The following HECW2 variants were observed in gnomAD, a reference collection of about 807,000 sequenced individuals.
The protein encoded by HECW2 is HECT, C2 and WW domain containing E3 ubiquitin protein ligase 2.
In HECW2, 61 loss-of-function variants were observed where a neutral mutation model predicts 175.2. The observed-to-expected ratio is 0.35, with a 90% CI of 0.28 to 0.43. The LOEUF is 0.43. Among genes scored for constraint, HECW2 ranks in the 20% least tolerant of loss-of-function variants. HECW2 has a pLI of 1.00. For synonymous variants in HECW2, 671 were observed against 731.0 expected, an observed-to-expected ratio of 0.92 and a Z score of 1.32; for missense variants, 1,524 against 2,000.5, an observed-to-expected ratio of 0.76 and a Z score of 4.54.
chr2:196,523,631 T>C (rs1688508443), intron 1 of HECW2, among the ~76,000 whole-genome samples: 1 of 151,602 alleles, frequency 6.6e-6, no homozygotes, highest in Non-Finnish European at 1.5e-5. Context: ...ATAGCTCTTA[T>C]TATTTTGAAA....
Position 196,289,832 on chromosome 2 carries a change from CCAAA to C in HECW2, c.3000+2729_3000+2732del, listed in dbSNP as rs763054704. On this transcript the variant is annotated intron_variant, in intron 14 of 28. Coordinates refer to ENST00000644978, the MANE Select transcript of HECW2 (RefSeq NM_001348768.2). ...TAACATGCAGCCCAAAGCAGAGTAGCCAAACAGAGACCGAGCACCAGCCTCCCTG... is the reference window on the plus strand; with the variant it reads ...TAACATGCAGCCCAAAGCAGAGTAGCCAGAGACCGAGCACCAGCCTCCCTG... The C allele has an allele frequency of 7.2e-5, 11 of 152,232 alleles. 1 individual carries two copies. In the East Asian group the frequency reaches 1.3e-3, roughly 19 times the overall value. The allele number at this position is 152,232 out of a possible 1,614,324, so 9.4% of individuals were successfully genotyped here. A position where few individuals can be genotyped will look rare whatever the true frequency, so the allele number is the denominator to read the frequency against.
At chr2:196,393,452 C>T (rs908740131) in intron 2 of HECW2, among the ~76,000 whole-genome samples, 6 of 132,522 alleles carry the variant, frequency 4.5e-5, no homozygotes, top group Admixed American at 4.3e-4. Context: ...AACAAATTTA[C>T]AAGAAAAAAA....
At position 196,249,170 on chromosome 2, in the gene HECW2, T is replaced by C. The variant is rs147100656; in HGVS notation, c.3529+4750A>G. Among the ~76,000 whole-genome samples the C allele has an allele frequency of 2.5e-3, 377 of 152,316 alleles. 1 individual carries two copies. Among genetic ancestry groups the C allele is most frequent in the African/African-American group, 8.5e-3 (353 of 41,566 alleles). On this transcript the variant is annotated intron_variant, in intron 19 of 28. Coordinates refer to ENST00000644978, the MANE Select transcript of HECW2 (RefSeq NM_001348768.2). ...AGAGCACATCTCCAATAATATCAGATAAATTAGGTGTTATTGCATTTAATT... is the reference window on the plus strand; with the variant it reads ...AGAGCACATCTCCAATAATATCAGACAAATTAGGTGTTATTGCATTTAATT...
intron 1 of HECW2, among the ~76,000 whole-genome samples, chr2:196,503,607 A>G (rs191100827): frequency 3.7e-4 from 56 of 152,272 alleles, no homozygotes; most frequent in Non-Finnish European, 7.1e-4. Flanking sequence ...AGGGAAGGGA[A>G]ACAGGAGAGG....
chr2:196,252,252 CA>C (rs1005949839), intron 19 of HECW2, among the ~76,000 whole-genome samples: 2 of 151,212 alleles, frequency 1.3e-5, no homozygotes, highest in African/African-American at 4.9e-5. Flanking sequence ...CCTACCTTTC[CA>C]ACCTGAGCTT....
chr2:196,497,480 G>T (rs1687435731), intron 1 of HECW2, among the ~76,000 whole-genome samples: 1 of 152,162 alleles, frequency 6.6e-6, no homozygotes. Flanking sequence ...TTAACTGAAT[G>T]AATTATAAGA....
intron 28 of HECW2, among the ~76,000 whole-genome samples, chr2:196,212,479 G>C (rs1057083829): frequency 1.3e-5 from 2 of 152,092 alleles, no homozygotes; most frequent in Admixed American, 1.3e-4. Context: ...AGTTTGCTAA[G>C]GATAATGGCC....
At chr2:196,431,071 G>A (rs949609120) in intron 2 of HECW2, among the ~76,000 whole-genome samples, 6 of 152,072 alleles carry the variant, frequency 3.9e-5, no homozygotes, top group African/African-American at 1.4e-4. Flanking sequence ...AACATACAGG[G>A]GAACAAAGAC....
chr2:196,574,431 A>G (rs1329644922), intron 1 of HECW2, among the ~76,000 whole-genome samples: 1 of 152,126 alleles, frequency 6.6e-6, no homozygotes, highest in African/African-American at 2.4e-5. Context: ...CTCTGTCTCA[A>G]GAAGAAAAAA....
intron 1 of HECW2, among the ~76,000 whole-genome samples, chr2:196,446,968 G>T (rs1193738417): frequency 6.6e-6 from 1 of 152,058 alleles, no homozygotes. Context: ...ACTAGAAAAA[G>T]AATGAATTCA....
intron 18 of HECW2, among the ~76,000 whole-genome samples, chr2:196,255,256 T>C (rs955755083): frequency 1.4e-5 from 2 of 145,778 alleles, no homozygotes; most frequent in African/African-American, 5.0e-5. Context: ...CATCCCAAAG[T>C]GCTGGGATTA....
At chr2:196,362,491 CATAA>C (rs2105886478) in intron 2 of HECW2, among the ~76,000 whole-genome samples, 1 of 152,200 alleles carries the variant, frequency 6.6e-6, no homozygotes, top group South Asian at 2.1e-4. Flanking sequence ...TTACCATTAC[CATAA>C]ATCAGACATA....
chr2:196,556,381 C>T (rs1004797727), intron 1 of HECW2, among the ~76,000 whole-genome samples: 1 of 152,118 alleles, frequency 6.6e-6, no homozygotes, highest in Non-Finnish European at 1.5e-5. Context: ...TCATGCTGTA[C>T]AGTAAGTCTC....
intron 10 of HECW2, chr2:196,316,767 G>A (rs1691713880): frequency 6.5e-6 from 1 of 153,800 alleles, no homozygotes; most frequent in African/African-American, 2.4e-5. Context: ...CCAGCTAATT[G>A]TCCTATCCCA....
chr2:196,300,972 T>C (rs1202196654), intron 13 of HECW2, among the ~76,000 whole-genome samples: 2 of 152,068 alleles, frequency 1.3e-5, no homozygotes, highest in Non-Finnish European at 2.9e-5. Context: ...GATCATCCTA[T>C]CACCTAGGTA....
chr2:196,268,812 G>C (rs1316612852), intron 17 of HECW2, among the ~76,000 whole-genome samples: 1 of 152,208 alleles, frequency 6.6e-6, no homozygotes, highest in East Asian at 1.9e-4. Flanking sequence ...ATTAGCAAAA[G>C]AGGAAGAATT....
intron 2 of HECW2, among the ~76,000 whole-genome samples, chr2:196,347,971 C>A (rs1693021036): frequency 6.6e-6 from 1 of 152,258 alleles, no homozygotes; most frequent in South Asian, 2.1e-4. Context: ...GTTCACATTA[C>A]TGTGAAATGG....
At chr2:196,357,090 A>C (rs1693399832) in intron 2 of HECW2, among the ~76,000 whole-genome samples, 1 of 152,178 alleles carries the variant, frequency 6.6e-6, no homozygotes, top group Admixed American at 6.5e-5. Flanking sequence ...AAAAATGATA[A>C]AGATAACTCT....
rs147148667 is a variant in HECW2 at position 196,220,382 on chromosome 2, T to G, written c.4294-229A>C. On this transcript the variant is annotated intron_variant, in intron 25 of 28. Coordinates refer to ENST00000644978, the MANE Select transcript of HECW2 (RefSeq NM_001348768.2). ...TGTTTTATAATTGATTGCTGATTAA[T>G]CTAGGTCCCGTCCACCTTTAGGAAA... 3.3e-5 allele frequency among the ~76,000 whole-genome samples: 5 copies of G among 152,360 alleles called. 1 individual carries two copies. The highest frequency in any genetic ancestry group is 7.4e-5 in the Non-Finnish European group (5 of 68,024).
Sources: allele counts gnomAD v4.1 joint callset (sites outside exome capture counted in the v4.1 genomes callset), GRCh38; gene constraint gnomAD v4.1.1; transcripts MANE v1.5; gene names NCBI Gene and HGNC (gene_info 2026-07-23, HGNC 2026-07-21).